The following CNOT10 variants were observed in gnomAD, a reference collection of about 807,000 sequenced individuals.
The protein encoded by CNOT10 is CCR4-NOT transcription complex subunit 10.
Under a neutral mutation model 94.6 loss-of-function variants are expected in CNOT10, and 30 were observed. The ratio of observed to expected loss-of-function variants is 0.32; its 90% confidence interval spans 0.24 to 0.43. CNOT10 has a LOEUF of 0.43. CNOT10 is among the 20% of genes least tolerant of loss of function. The pLI is 1.00. For synonymous variants in CNOT10, 289 were observed against 301.6 expected (o/e 0.96, Z 0.43); for missense variants, 759 against 877.2 (o/e 0.87, Z 1.70).
chr3:32,692,159 C>T (rs770630296), intron 1 of CNOT10, among the ~76,000 whole-genome samples: 4 of 151,756 alleles, frequency 2.6e-5, no homozygotes, highest in Non-Finnish European at 5.9e-5. Context: ...CCTAGGAGTT[C>T]AAGTCCAGCC....
intron 13 of CNOT10, 93 bp downstream of exon 13, chr3:32,737,583 G>A: frequency 1.4e-6 from 1 of 730,884 alleles, no homozygotes; most frequent in African/African-American, 1.8e-5. Context: ...CCAGCACTTT[G>A]GGAGGCCGAG....
chr3:32,746,752 G>A (rs1699716601), intron 13 of CNOT10, among the ~76,000 whole-genome samples: 1 of 151,060 alleles, frequency 6.6e-6, no homozygotes, highest in African/African-American at 2.4e-5. Flanking sequence ...CAGGAGAATG[G>A]TGTGTACCCA....
chr3:32,762,810 C>T lies in CNOT10; in HGVS notation c.1787C>T (p.Pro596Leu), dbSNP rs150491437. The T allele has an allele frequency of 8.2e-6, 13 of 1,584,716 alleles. No individual in the cohort carries two copies. Among genetic ancestry groups the T allele is most frequent in the African/African-American group, 5.5e-5 (4 of 72,846 alleles). Residue 596 changes from proline (P) to leucine (L), a missense_variant, in exon 15 of 19, where the codon CCG becomes CTG. Coordinates refer to ENST00000328834, the MANE Select transcript of CNOT10 (RefSeq NM_015442.3). ...RISDAITHLN[P>L]ENVTDVSLGI... ...TCTGATGCCATTACTCACTTGAACC[C>T]GGAGAATGTCACTGATGTCTCCTTA...
At chr3:32,714,777 G>C (rs1164716549) in intron 5 of CNOT10, among the ~76,000 whole-genome samples, 1 of 152,170 alleles carries the variant, frequency 6.6e-6, no homozygotes, top group African/African-American at 2.4e-5. Flanking sequence ...TTGGTGCCCA[G>C]TATGAGTATA....
chr3:32,724,135 A>G (rs9880837), intron 8 of CNOT10, among the ~76,000 whole-genome samples: 30,371 of 152,078 alleles, frequency 0.2, 3,838 homozygotes, highest in African/African-American at 0.35. Flanking sequence ...AGGCTGAAAA[A>G]TACAAATTCC....
chr3:32,754,489 A>AAAAAAAAATATATAT (rs77878221), intron 13 of CNOT10, among the ~76,000 whole-genome samples: 1 of 70,220 alleles, frequency 1.4e-5, no homozygotes, highest in African/African-American at 7.7e-5. Flanking sequence ...AAAAAAAAAA[A>AAAAAAAAATATATAT]ATACATATAT....
intron 3 of CNOT10, among the ~76,000 whole-genome samples, chr3:32,708,268 A>G (rs964716562): frequency 3.9e-5 from 6 of 152,136 alleles, no homozygotes; most frequent in Non-Finnish European, 7.3e-5. Flanking sequence ...ACTACGTGAC[A>G]TTTTTATGGG....
At chr3:32,695,968 A>AGAGT (rs1350214672) in intron 1 of CNOT10, 26 of 433,062 alleles carry the variant, frequency 6.0e-5, no homozygotes, top group Non-Finnish European at 7.3e-5. Context: ...TGTTGAAGAG[A>AGAGT]GTGTGTGTGT....
intron 13 of CNOT10, among the ~76,000 whole-genome samples, chr3:32,744,461 G>T (rs563903509): frequency 2.0e-5 from 3 of 151,550 alleles, no homozygotes; most frequent in African/African-American, 7.3e-5. Flanking sequence ...GAGTATTTTC[G>T]GTTTTTTTCA....
rs1010006371 is a variant in CNOT10, at chr3:32,737,296, C to T, written c.1515-114C>T. On this transcript the variant is annotated intron_variant, in intron 12 of 18. Transcript: ENST00000328834. ...TGCAATTGCACTCCATCCTGAGCGA[C>T]GAGCAAAACTCTGTCTCAAAAAAAA... The T allele has an allele frequency of 7.1e-5, 46 of 645,600 alleles. 1 individual carries two copies. The highest frequency in any genetic ancestry group is 3.3e-4 in the African/African-American group (18 of 53,744). The allele number at this position is 645,600 out of a possible 1,614,324, so 40.0% of individuals were successfully genotyped here. A position where few individuals can be genotyped will look rare whatever the true frequency, so the allele number is the denominator to read the frequency against.
chr3:32,761,660 A>G (rs561576539), intron 14 of CNOT10, among the ~76,000 whole-genome samples: 2 of 150,864 alleles, frequency 1.3e-5, no homozygotes, highest in African/African-American at 4.9e-5. Context: ...AGTTCAAGGG[A>G]TTCTCCTGCC....
At chr3:32,760,565 G>T (rs1700400388) in intron 14 of CNOT10, among the ~76,000 whole-genome samples, 1 of 152,124 alleles carries the variant, frequency 6.6e-6, no homozygotes, top group African/African-American at 2.4e-5. Flanking sequence ...CTGGGGGGCG[G>T]ACGTTGCGGT....
chr3:32,728,391 C>T (rs546101065), intron 10 of CNOT10, among the ~76,000 whole-genome samples: 81 of 152,122 alleles, frequency 5.3e-4, no homozygotes, highest in African/African-American at 1.9e-3. Context: ...GAGGCTGAGG[C>T]GGGTGGATCA....
In CNOT10 at chr3:32,708,826, T is replaced by C. The variant is rs1313382458; in HGVS notation, c.430+6T>C. 6.3e-7 allele frequency: 1 copy of C among 1,596,888 alleles called. No individual in the cohort carries two copies. Among genetic ancestry groups the C allele is most frequent in the Non-Finnish European group, 8.5e-7 (1 of 1,174,348 alleles). ...TCAGTTCATAGAGCCTTTTGGTATG[T>C]TATCTGTCAAGTCAAAAATTTCCCT... is the stretch of plus-strand genomic sequence containing the variant. On this transcript the variant is annotated splice_donor_region_variant and intron_variant, in intron 4 of 18. Transcript: ENST00000328834.
chr3:32,768,953 T>A (rs1423883133), intron 17 of CNOT10: 1 of 152,190 alleles, frequency 6.6e-6, no homozygotes, highest in Non-Finnish European at 1.5e-5. Flanking sequence ...ACCCCAAAGC[T>A]CTGTTTGAAA....
intron 3 of CNOT10, among the ~76,000 whole-genome samples, chr3:32,707,116 A>G (rs192113418): frequency 1.4e-3 from 216 of 152,310 alleles, no homozygotes; most frequent in Non-Finnish European, 2.3e-3. Context: ...ATTTATTGCA[A>G]TCTTCATAAT....
intron 1 of CNOT10, among the ~76,000 whole-genome samples, chr3:32,687,458 T>TTTTTTTTTG (rs1468639910): frequency 2.8e-5 from 3 of 108,050 alleles, no homozygotes; most frequent in Non-Finnish European, 5.8e-5. Context: ...TTTTGTTTTT[T>TTTTTTTTTG]TTTTTTTTTT....
intron 12 of CNOT10, among the ~76,000 whole-genome samples, chr3:32,735,487 C>T (rs1200014806): frequency 6.6e-6 from 1 of 152,106 alleles, no homozygotes; most frequent in African/African-American, 2.4e-5. Flanking sequence ...ATGGGTAGAT[C>T]ACTTGAGGTT....
intron 13 of CNOT10, among the ~76,000 whole-genome samples, chr3:32,757,219 G>A (rs914435167): frequency 4.2e-5 from 2 of 47,848 alleles, no homozygotes; most frequent in African/African-American, 1.7e-4. Flanking sequence ...CACTCTTGTT[G>A]CCCAGGCTGG....
Sources: gnomAD v4.1 joint callset for allele counts (sites outside exome capture counted in the v4.1 genomes callset) on GRCh38, gnomAD v4.1.1 for gene constraint, MANE v1.5 for transcripts, NCBI Gene and HGNC (gene_info 2026-07-23, HGNC 2026-07-21) for gene names.